SMYD3: variants seen among roughly 807,000 people sequenced by gnomAD.
SMYD3 encodes the protein histone-lysine N-methyltransferase SMYD3.
SMYD3 carries 36 observed loss-of-function variants against 57.7 expected under a neutral mutation model. That is an observed-to-expected ratio of 0.62 (90% CI 0.48 to 0.82). SMYD3 has a LOEUF of 0.82. SMYD3 is among the 40% of genes least tolerant of loss of function. SMYD3 has a pLI of 0.00. For missense variants in SMYD3, 515 were observed against 538.8 expected (o/e 0.96, Z 0.44); for synonymous variants, 211 against 195.0 (o/e 1.08, Z -0.68).
chr1:245,856,602 C>T (rs1377736575), intron 10 of SMYD3, among the ~76,000 whole-genome samples: 2 of 152,158 alleles, frequency 1.3e-5, no homozygotes, highest in African/African-American at 4.8e-5. Context: ...AAGTTAGTGC[C>T]TCAAAGAGGC....
chr1:245,972,224 C>T (rs1215869541), intron 5 of SMYD3, among the ~76,000 whole-genome samples: 1 of 152,164 alleles, frequency 6.6e-6, no homozygotes, highest in Non-Finnish European at 1.5e-5. Flanking sequence ...ATTCGGATAC[C>T]AAGTCCTGAG....
intron 7 of SMYD3, among the ~76,000 whole-genome samples, chr1:245,922,886 T>G (rs2056080764): frequency 6.6e-6 from 1 of 152,214 alleles, no homozygotes; most frequent in African/African-American, 2.4e-5. Flanking sequence ...TTATCTGAGT[T>G]TTCTAAGATT....
rs201726897 is a variant in SMYD3, at chr1:246,023,807, C to CTGTGTGTGTGTGTGTGTGTGTGTGTGTG, written c.532-93898_532-93871dup. ...CCCACTTCACAGGACTATTACAAAA[C>CTGTGTGTGTGTGTGTGTGTGTGTGTGTG]TGTGTGTGTGTGTGTGTGTGTGTGT... is the stretch of plus-strand genomic sequence containing the variant. On this transcript the variant is annotated intron_variant, in intron 5 of 11. Transcript: ENST00000490107. Among the ~76,000 whole-genome samples the CTGTGTGTGTGTGTGTGTGTGTGTGTGTG allele has an allele frequency of 4.9e-4, 69 of 139,606 alleles. 1 individual carries two copies. Among genetic ancestry groups the CTGTGTGTGTGTGTGTGTGTGTGTGTGTG allele is most frequent in the South Asian group, 2.6e-3 (10 of 3,904 alleles). The allele number at this position is 139,606 out of a possible 152,430, so 91.6% of individuals were successfully genotyped here. A position where few individuals can be genotyped will look rare whatever the true frequency, so the allele number is the denominator to read the frequency against.
intron 5 of SMYD3, among the ~76,000 whole-genome samples, chr1:246,193,400 T>C (rs1456067662): frequency 1.3e-5 from 2 of 152,234 alleles, no homozygotes; most frequent in African/African-American, 2.4e-5. Context: ...AATTAGACTG[T>C]ACTGATGAAT....
At chr1:246,013,214 C>T (rs1036137126) in intron 5 of SMYD3, among the ~76,000 whole-genome samples, 3 of 152,182 alleles carry the variant, frequency 2.0e-5, no homozygotes, top group Non-Finnish European at 4.4e-5. Context: ...GAGTCTCACT[C>T]TTTCACACCA....
intron 5 of SMYD3, among the ~76,000 whole-genome samples, chr1:246,154,625 C>T (rs1273072226): frequency 6.6e-6 from 1 of 152,126 alleles, no homozygotes; most frequent in African/African-American, 2.4e-5. Context: ...CTATGAAAGC[C>T]CACAAATTTG....
intron 5 of SMYD3, among the ~76,000 whole-genome samples, chr1:245,940,255 C>G (rs12750953): frequency 0.62 from 94,542 of 152,112 alleles, 35,019 homozygotes; most frequent in Non-Finnish European, 0.83. Context: ...CTCCCCCCAG[C>G]GCAGTGCACC....
At chr1:245,784,371 C>T (rs1032200454) in intron 10 of SMYD3, among the ~76,000 whole-genome samples, 1 of 152,204 alleles carries the variant, frequency 6.6e-6, no homozygotes, top group East Asian at 1.9e-4. Context: ...AAATAATAAC[C>T]ATTTTCTTAT....
At chr1:246,368,775 T>C (rs2066147147) in intron 1 of SMYD3, among the ~76,000 whole-genome samples, 1 of 151,630 alleles carries the variant, frequency 6.6e-6, no homozygotes, top group Non-Finnish European at 1.5e-5. Context: ...GTGAAAAGGC[T>C]AGACTGGCTT....
chr1:246,323,466 C>T (rs1261159889), intron 5 of SMYD3, among the ~76,000 whole-genome samples: 1 of 152,142 alleles, frequency 6.6e-6, no homozygotes, highest in Non-Finnish European at 1.5e-5. Flanking sequence ...ACCATTTTTC[C>T]GCCAGAAACT....
At chr1:245,955,903 T>A in intron 5 of SMYD3, 2 of 970,662 alleles carry the variant, frequency 2.1e-6, no homozygotes, top group Non-Finnish European at 2.4e-6. Context: ...CTCAACATTA[T>A]ATCCTAAGAT....
chr1:246,438,635 T>G (rs1012898935), intron 1 of SMYD3, among the ~76,000 whole-genome samples: 2 of 152,096 alleles, frequency 1.3e-5, no homozygotes, highest in Non-Finnish European at 2.9e-5. Context: ...CTTGTATACT[T>G]TATATCATCC....
intron 10 of SMYD3, among the ~76,000 whole-genome samples, chr1:245,825,881 A>G (rs1202592563): frequency 6.7e-6 from 1 of 150,200 alleles, no homozygotes; most frequent in East Asian, 2.0e-4. Context: ...GTAATGACGT[A>G]TCTGGGTCTA....
chr1:246,259,686 C>T (rs1298486990), intron 5 of SMYD3, among the ~76,000 whole-genome samples: 16 of 152,180 alleles, frequency 1.1e-4, no homozygotes, highest in Admixed American at 3.3e-4. Context: ...TGGGCTGATA[C>T]ATAGAATGCA....
At chr1:246,333,920 G>C (rs960253396) in intron 3 of SMYD3, among the ~76,000 whole-genome samples, 2 of 151,946 alleles carry the variant, frequency 1.3e-5, no homozygotes, top group South Asian at 4.2e-4. Flanking sequence ...CAAAGGACAA[G>C]AACAGACACT....
chr1:246,241,688 C>T (rs1282898415), intron 5 of SMYD3, among the ~76,000 whole-genome samples: 1 of 152,006 alleles, frequency 6.6e-6, no homozygotes, highest in African/African-American at 2.4e-5. Context: ...CTCTTTGTAC[C>T]TCTGGTAGAA....
At chr1:246,049,799 T>A (rs564493002) in intron 5 of SMYD3, among the ~76,000 whole-genome samples, 2 of 152,138 alleles carry the variant, frequency 1.3e-5, no homozygotes, top group Non-Finnish European at 2.9e-5. Flanking sequence ...ATGAGATTCC[T>A]CCCACACCTA....
intron 8 of SMYD3, among the ~76,000 whole-genome samples, chr1:245,909,390 T>C (rs1483668598): frequency 3.3e-5 from 5 of 152,090 alleles, no homozygotes; most frequent in Non-Finnish European, 5.9e-5. Flanking sequence ...AAAGAATGAA[T>C]ACCAATTCTA....
intron 5 of SMYD3, among the ~76,000 whole-genome samples, chr1:246,058,851 G>A (rs1176154780): frequency 1.3e-5 from 2 of 151,594 alleles, no homozygotes; most frequent in Non-Finnish European, 2.9e-5. Context: ...AGTTAACAAA[G>A]GTGCCCATTT....
Sources: allele counts gnomAD v4.1 joint callset (sites outside exome capture counted in the v4.1 genomes callset), GRCh38; gene constraint gnomAD v4.1.1; transcripts MANE v1.5; gene names NCBI Gene and HGNC (gene_info 2026-07-23, HGNC 2026-07-21).